RIMS2: variants seen among roughly 807,000 people sequenced by gnomAD.
RIMS2 encodes the protein regulating synaptic membrane exocytosis protein 2.
A neutral mutation model predicts 174.4 loss-of-function variants in RIMS2; 59 were observed. The observed-to-expected ratio is 0.34, with a 90% CI of 0.27 to 0.42. The LOEUF (loss-of-function observed/expected upper bound fraction) is 0.42, where lower values mean the gene tolerates loss of function less well. RIMS2 is among the 10% of genes least tolerant of loss of function. RIMS2 has a pLI of 1.00. For missense variants in RIMS2, 1,620 were observed against 1,666.3 expected (o/e 0.97, Z 0.48); for synonymous variants, 606 against 572.5 (o/e 1.06, Z -0.84).
chr8:103,623,162 G>A (rs541787010), intron 1 of RIMS2, among the ~76,000 whole-genome samples: 1 of 152,256 alleles, frequency 6.6e-6, no homozygotes, highest in African/African-American at 2.4e-5. Context: ...ATATGAAAGA[G>A]TATGGGCTTC....
chr8:104,043,807 G>C (rs992048039), intron 19 of RIMS2, among the ~76,000 whole-genome samples: 2 of 151,616 alleles, frequency 1.3e-5, no homozygotes, highest in Admixed American at 1.3e-4. Flanking sequence ...TGCAAATAAA[G>C]CTACAAATTT....
At chr8:104,223,660 G>T in intron 19 of RIMS2, 1 of 1,588,738 alleles carries the variant, frequency 6.3e-7, no homozygotes, top group East Asian at 2.3e-5. Context: ...AGATGGGCCG[G>T]CAGGGCTTGG....
intron 7 of RIMS2, 46 bp from the exon 11 acceptor site, chr8:103,916,368 G>A: frequency 6.9e-7 from 1 of 1,451,466 alleles, no homozygotes; most frequent in Non-Finnish European, 9.5e-7. Context: ...TAATTTGTCA[G>A]ATCAAATTTT....
chr8:103,756,341 A>T (rs1174200906), intron 2 of RIMS2, among the ~76,000 whole-genome samples: 2 of 149,214 alleles, frequency 1.3e-5, no homozygotes, highest in Non-Finnish European at 3.0e-5. Context: ...CTAGTCGGCC[A>T]TCTTGGAATG....
intron 3 of RIMS2, among the ~76,000 whole-genome samples, chr8:103,847,448 C>T (rs138964566): frequency 3.3e-5 from 5 of 152,214 alleles, no homozygotes; most frequent in African/African-American, 1.2e-4. Context: ...GTGTTGGGAT[C>T]AGTGGATCTC....
intron 17 of RIMS2, among the ~76,000 whole-genome samples, chr8:103,994,129 G>T (rs2094916339): frequency 4.0e-5 from 6 of 151,096 alleles, no homozygotes; most frequent in Admixed American, 4.0e-4. Context: ...TTTTACTTAA[G>T]AATGGAATAC....
chr8:103,573,542 GT>G (rs1201578561), intron 1 of RIMS2, among the ~76,000 whole-genome samples: 2 of 152,010 alleles, frequency 1.3e-5, no homozygotes, highest in Admixed American at 6.6e-5. Flanking sequence ...GTGCAGCTTT[GT>G]TTTTGGGTTC....
intron 1 of RIMS2, among the ~76,000 whole-genome samples, chr8:103,543,230 C>T (rs182651427): frequency 3.9e-5 from 6 of 152,082 alleles, no homozygotes; most frequent in African/African-American, 9.6e-5. Flanking sequence ...GTAAGAATGA[C>T]GTACTGGAGA....
At chr8:104,057,648 A>G (rs1008691780) in intron 19 of RIMS2, among the ~76,000 whole-genome samples, 4 of 151,218 alleles carry the variant, frequency 2.6e-5, no homozygotes, top group African/African-American at 7.3e-5. Context: ...TACATGTGCC[A>G]TGCTGGTGTG....
At chr8:103,603,000 T>C (rs560758399) in intron 1 of RIMS2, among the ~76,000 whole-genome samples, 1 of 152,298 alleles carries the variant, frequency 6.6e-6, no homozygotes, top group East Asian at 1.9e-4. Context: ...TTTTTATTTT[T>C]TATTTTTTTA....
intron 1 of RIMS2, among the ~76,000 whole-genome samples, chr8:103,679,594 A>G (rs530974152): frequency 1.0e-3 from 152 of 152,154 alleles, no homozygotes; most frequent in Middle Eastern, 3.4e-3. Flanking sequence ...AGTAAATATG[A>G]ATTGAAGAAG....
intron 3 of RIMS2, among the ~76,000 whole-genome samples, chr8:103,852,304 T>C (rs1234277501): frequency 6.6e-6 from 1 of 151,930 alleles, no homozygotes; most frequent in Admixed American, 6.6e-5. Context: ...AGCAATTTAA[T>C]CATGAATTAA....
chr8:103,870,364 T>TCACCAC (rs948969782), intron 3 of RIMS2, among the ~76,000 whole-genome samples: 2 of 150,970 alleles, frequency 1.3e-5, no homozygotes, highest in African/African-American at 4.9e-5. Flanking sequence ...ACCACCACCA[T>TCACCAC]CACCACCACC....
intron 19 of RIMS2, among the ~76,000 whole-genome samples, chr8:104,057,702 A>C: frequency 6.8e-6 from 1 of 147,178 alleles, no homozygotes; most frequent in Admixed American, 6.7e-5. Flanking sequence ...ATATCTCCTA[A>C]TGCTATCTCT....
chr8:103,640,491 G>T (rs899659164), intron 1 of RIMS2, among the ~76,000 whole-genome samples: 16 of 151,926 alleles, frequency 1.1e-4, no homozygotes, highest in Admixed American at 3.3e-4. Flanking sequence ...TACAATATAT[G>T]CATTAAAATG....
intron 1 of RIMS2, among the ~76,000 whole-genome samples, chr8:103,595,038 A>G (rs1563930242): frequency 1.3e-5 from 2 of 151,794 alleles, no homozygotes; most frequent in African/African-American, 4.8e-5. Context: ...GTAGATGACC[A>G]TGTCACATAA....
chr8:103,825,211 C>T (rs1043926570), intron 3 of RIMS2, among the ~76,000 whole-genome samples: 8 of 151,834 alleles, frequency 5.3e-5, no homozygotes, highest in African/African-American at 1.9e-4. Context: ...TAAAACTTCA[C>T]ATAATGAAAT....
intron 19 of RIMS2, among the ~76,000 whole-genome samples, chr8:104,075,828 T>G (rs1422878245): frequency 2.0e-5 from 3 of 152,118 alleles, no homozygotes; most frequent in African/African-American, 7.2e-5. Flanking sequence ...GTATGCTTAG[T>G]ACTCAATGAT....
At chr8:103,827,589 C>T (rs2098799312) in intron 3 of RIMS2, among the ~76,000 whole-genome samples, 1 of 152,206 alleles carries the variant, frequency 6.6e-6, no homozygotes, top group East Asian at 1.9e-4. Flanking sequence ...GTGATCCCAG[C>T]ACTTTGAGAG....
Sources: allele counts gnomAD v4.1 joint callset (sites outside exome capture counted in the v4.1 genomes callset), GRCh38; gene constraint gnomAD v4.1.1; transcripts MANE v1.5; gene names NCBI Gene and HGNC (gene_info 2026-07-23, HGNC 2026-07-21).